The following GRM7 variants were observed in gnomAD, a reference collection of about 807,000 sequenced individuals.
GRM7 encodes the protein glutamate metabotropic receptor 7.
In GRM7, 35 loss-of-function variants were observed where a neutral mutation model predicts 84.5. The observed-to-expected ratio is 0.41, with a 90% CI of 0.32 to 0.55. The LOEUF (loss-of-function observed/expected upper bound fraction) is 0.55, where lower values mean the gene tolerates loss of function less well. Among genes scored for constraint, GRM7 ranks in the 20% least tolerant of loss-of-function variants. The probability of loss-of-function intolerance (pLI) is 0.19; values close to 1 mark genes in which losing one functional copy is unlikely to be tolerated. For synonymous variants in GRM7, 487 were observed against 455.1 expected (o/e 1.07, Z -0.89); for missense variants, 1,003 against 1,194.6 (o/e 0.84, Z 2.36).
Position 7,188,082 on chromosome 3 carries a change from TG to T in GRM7, c.736+41418del, listed in dbSNP as rs894885622. Among the ~76,000 whole-genome samples the T allele has an allele frequency of 6.6e-6, 1 of 151,914 alleles. No homozygotes were observed. The highest frequency in any genetic ancestry group is 2.4e-5 in the African/African-American group (1 of 41,298). On this transcript the variant is annotated intron_variant, in intron 2 of 9. Transcript: ENST00000357716. This position sits in a 1 kb window ranked among gnomAD's most constrained non-coding sequence, Gnocchi z 4.2. ...TGAGTTTAATAGAGGAGGAATGATG[TG>T]GGGTGGGTATTGGCTATTATACTTA...
chr3:7,092,044 T>C (rs1448107040), intron 1 of GRM7, among the ~76,000 whole-genome samples: 2 of 152,146 alleles, frequency 1.3e-5, no homozygotes, highest in African/African-American at 4.8e-5. Flanking sequence ...AATCTCACTC[T>C]GTCACCCAGG....
chr3:7,518,048 G>T (rs1700457074), intron 7 of GRM7, among the ~76,000 whole-genome samples: 2 of 152,286 alleles, frequency 1.3e-5, no homozygotes, highest in South Asian at 2.1e-4. Context: ...TTCCACTCCT[G>T]CTTCTATCCA....
At chr3:7,256,913 C>T (rs911685702) in intron 2 of GRM7, among the ~76,000 whole-genome samples, 1 of 152,090 alleles carries the variant, frequency 6.6e-6, no homozygotes, top group African/African-American at 2.4e-5. Flanking sequence ...ATTTGAGAAG[C>T]CTTGGTTAGG....
At chr3:7,336,351 A>G (rs1376774578) in intron 4 of GRM7, among the ~76,000 whole-genome samples, 1 of 151,908 alleles carries the variant, frequency 6.6e-6, no homozygotes, top group Non-Finnish European at 1.5e-5. Flanking sequence ...ATTCCTTTAT[A>G]ACTAAAACCC....
At chr3:7,166,932 C>A (rs1253332219) in intron 2 of GRM7, among the ~76,000 whole-genome samples, 1 of 151,964 alleles carries the variant, frequency 6.6e-6, no homozygotes, top group Non-Finnish European at 1.5e-5. Flanking sequence ...ATCATGACAA[C>A]CTTTGTATTT....
intron 7 of GRM7, among the ~76,000 whole-genome samples, chr3:7,477,199 G>A (rs1698956838): frequency 6.6e-6 from 1 of 152,076 alleles, no homozygotes; most frequent in Non-Finnish European, 1.5e-5. Flanking sequence ...GATTTCAAAA[G>A]CATTTCTGGT....
At chr3:6,887,156 C>T (rs1056091487) in intron 1 of GRM7, among the ~76,000 whole-genome samples, 9 of 151,818 alleles carry the variant, frequency 5.9e-5, no homozygotes, top group Admixed American at 1.3e-4. Flanking sequence ...GACACATTTA[C>T]ATGTAAACAA....
intron 2 of GRM7, among the ~76,000 whole-genome samples, chr3:7,211,342 A>C (rs992012254): frequency 6.6e-6 from 1 of 152,226 alleles, no homozygotes; most frequent in African/African-American, 2.4e-5. Context: ...GATTTCTTAC[A>C]GGTAAGACAC....
intron 8 of GRM7, among the ~76,000 whole-genome samples, chr3:7,648,805 G>T (rs1179882532): frequency 6.6e-6 from 1 of 152,178 alleles, no homozygotes; most frequent in African/African-American, 2.4e-5. Flanking sequence ...GCCACGGTAA[G>T]ACTACAAAAA....
At chr3:7,230,791 C>T (rs1697168620) in intron 2 of GRM7, among the ~76,000 whole-genome samples, 2 of 152,138 alleles carry the variant, frequency 1.3e-5, no homozygotes, top group African/African-American at 4.8e-5. Context: ...AAGTGTGCCT[C>T]AGGGAAGAAA....
At chr3:7,698,690 T>C (rs1672919690) in intron 9 of GRM7, among the ~76,000 whole-genome samples, 1 of 152,190 alleles carries the variant, frequency 6.6e-6, no homozygotes. Context: ...CCTCTGCATC[T>C]GAGGATGTTT....
intron 4 of GRM7, among the ~76,000 whole-genome samples, chr3:7,323,670 A>G (rs1396403): frequency 0.42 from 63,998 of 152,036 alleles, 13,536 homozygotes; most frequent in Middle Eastern, 0.5. Flanking sequence ...ACAAAAAACT[A>G]ATTTGCCAAG....
At chr3:6,978,611 G>A (rs143496881) in intron 1 of GRM7, among the ~76,000 whole-genome samples, 34 of 152,256 alleles carry the variant, frequency 2.2e-4, no homozygotes, top group African/African-American at 7.9e-4. Flanking sequence ...AAATTGCACT[G>A]CAAAATGAGG....
chr3:6,962,771 C>A (rs28550467), intron 1 of GRM7, among the ~76,000 whole-genome samples: 1 of 152,060 alleles, frequency 6.6e-6, no homozygotes, highest in Non-Finnish European at 1.5e-5. Flanking sequence ...AATTTTACCA[C>A]CAAAGCAGTG....
intron 2 of GRM7, among the ~76,000 whole-genome samples, chr3:7,165,779 A>T (rs1020603152): frequency 6.6e-6 from 1 of 152,154 alleles, no homozygotes; most frequent in African/African-American, 2.4e-5. Context: ...CTCTATTTAC[A>T]TGTTTATAAT....
chr3:7,404,830 C>A (rs991095713), intron 4 of GRM7, among the ~76,000 whole-genome samples: 4 of 151,978 alleles, frequency 2.6e-5, no homozygotes, highest in Admixed American at 6.6e-5. Flanking sequence ...CAAGATTAAG[C>A]CAAAGACACT....
At chr3:7,181,712 C>T (rs1055004023) in intron 2 of GRM7, among the ~76,000 whole-genome samples, 5 of 152,070 alleles carry the variant, frequency 3.3e-5, no homozygotes, top group African/African-American at 1.2e-4. Context: ...GGGCTCAAGT[C>T]ATCCTCTTGT....
chr3:7,705,469 C>T (rs1575654193), intron 9 of GRM7, among the ~76,000 whole-genome samples: 1 of 152,132 alleles, frequency 6.6e-6, no homozygotes, highest in Non-Finnish European at 1.5e-5. Flanking sequence ...GCTAGGGACA[C>T]AGGTTACCAA....
At chr3:7,636,414 G>A (rs1698097581) in intron 8 of GRM7, 1 of 407,526 alleles carries the variant, frequency 2.5e-6, no homozygotes, top group East Asian at 7.2e-5. Context: ...TTTGAAAAAT[G>A]AGTACATGTT....
Sources: allele counts gnomAD v4.1 joint callset (sites outside exome capture counted in the v4.1 genomes callset), GRCh38; gene constraint gnomAD v4.1.1; non-coding constraint Gnocchi (gnomAD v3.1); transcripts MANE v1.5; gene names NCBI Gene and HGNC (gene_info 2026-07-23, HGNC 2026-07-21).